Variants in MED12L observed in about 807,000 individuals in gnomAD.
The protein encoded by MED12L is mediator complex subunit 12L.
MED12L carries 60 observed loss-of-function variants against 281.3 expected under a neutral mutation model. The observed-to-expected ratio is 0.21, with a 90% confidence interval of 0.17 to 0.26. The LOEUF (loss-of-function observed/expected upper bound fraction) is 0.26. MED12L is among the 10% of genes least tolerant of loss of function. The pLI, the probability that MED12L is intolerant of heterozygous loss-of-function variation, is 1.00. For synonymous variants in MED12L, 974 were observed against 987.2 expected (o/e 0.99, Z 0.25); for missense variants, 2,146 against 2,680.9 (o/e 0.80, Z 4.41).
At chr3:151,184,093 A>C (rs1723000618) in intron 11 of MED12L, among the ~76,000 whole-genome samples, 1 of 152,186 alleles carries the variant, frequency 6.6e-6, no homozygotes, top group South Asian at 2.1e-4. Context: ...TTAAATTAGG[A>C]AAACAGAGCT....
intron 16 of MED12L, chr3:151,329,553 T>G: frequency 2.0e-6 from 3 of 1,522,276 alleles, no homozygotes; most frequent in South Asian, 1.2e-5. Flanking sequence ...AATGAGCATG[T>G]GAAGCAAATG....
chr3:151,229,718 G>A (rs1731255726), intron 16 of MED12L, among the ~76,000 whole-genome samples: 2 of 152,052 alleles, frequency 1.3e-5, no homozygotes, highest in Non-Finnish European at 2.9e-5. Flanking sequence ...GCCTGCCTCG[G>A]CCTCCCAAAG....
intron 16 of MED12L, chr3:151,316,808 C>T (rs1402882029): frequency 6.6e-6 from 1 of 152,204 alleles, no homozygotes; most frequent in Non-Finnish European, 1.5e-5. Context: ...AATTCTCCTG[C>T]CAGGCGACTA....
At position 151,375,073 on chromosome 3, in the gene MED12L, G is replaced by A. The variant is rs554124747; in HGVS notation, c.3865-953G>A. Reference sequence around the variant, plus strand: ...CTACATAGTCATATAAGTATTGAGAGGCAATTGTGTGTTGGTTCCCAACTG... The same window carrying A: ...CTACATAGTCATATAAGTATTGAGAAGCAATTGTGTGTTGGTTCCCAACTG... On this transcript the variant is annotated intron_variant, in intron 27 of 44. Coordinates refer to ENST00000687756, the MANE Select transcript of MED12L (RefSeq NM_001393769.1). Among the ~76,000 whole-genome samples, 55 of 152,334 alleles carry A rather than the reference G, an allele frequency of 3.6e-4. No homozygotes were observed. The South Asian group carries it at 0.011, about 29-fold the overall frequency.
intron 16 of MED12L, chr3:151,200,953 C>T (rs537866147): frequency 6.6e-6 from 1 of 152,266 alleles, no homozygotes; most frequent in South Asian, 2.1e-4. Flanking sequence ...GATTCCAGCT[C>T]AGTCAGTCTG....
At chr3:151,230,777 C>T (rs1336230689) in intron 16 of MED12L, among the ~76,000 whole-genome samples, 1 of 152,140 alleles carries the variant, frequency 6.6e-6, no homozygotes, top group African/African-American at 2.4e-5. Flanking sequence ...TGTAAACTTG[C>T]TCAAGCCATT....
At chr3:151,402,564 T>G (rs1216013825) in intron 39 of MED12L, among the ~76,000 whole-genome samples, 1 of 152,192 alleles carries the variant, frequency 6.6e-6, no homozygotes, top group Non-Finnish European at 1.5e-5. Context: ...GCTCCCCCAC[T>G]GGCCCTAGGG....
At chr3:151,158,629 G>A (rs867122299) in intron 6 of MED12L, 60 bp from the exon 7 acceptor site, 1 of 1,064,788 alleles carries the variant, frequency 9.4e-7, no homozygotes, top group Non-Finnish European at 1.4e-6. Context: ...AAGAATGACA[G>A]TGCCTTTTTT....
intron 17 of MED12L, among the ~76,000 whole-genome samples, chr3:151,351,734 T>C (rs1753260291): frequency 6.6e-6 from 1 of 152,190 alleles, no homozygotes; most frequent in Non-Finnish European, 1.5e-5. Context: ...TTTATCTAAA[T>C]TATTTTTAGA....
Position 151,132,284 on chromosome 3 carries a change from A to T in MED12L, c.556+4300A>T, listed in dbSNP as rs930719140. Among the ~76,000 whole-genome samples the T allele has an allele frequency of 4.6e-5, 7 of 152,328 alleles. No individual in the cohort carries two copies. In the South Asian group the frequency reaches 8.3e-4, roughly 18 times the overall value. ...CAAGGTGATTTAATGCAAAGTCCTT[A>T]GCTTCTCCAGACATCAGTCTTTTCA... On this transcript the variant is annotated intron_variant, in intron 5 of 44. Transcript: ENST00000687756.
chr3:151,155,022 AAACTT>A (rs1177023149), intron 5 of MED12L, among the ~76,000 whole-genome samples: 19 of 152,364 alleles, frequency 1.2e-4, no homozygotes, highest in Non-Finnish European at 2.5e-4. Context: ...GTTTAGATGA[AAACTT>A]AACAGTAGTT....
intron 43 of MED12L, among the ~76,000 whole-genome samples, chr3:151,418,749 T>A (rs1717917006): frequency 1.3e-5 from 2 of 152,246 alleles, no homozygotes; most frequent in Admixed American, 1.3e-4. Flanking sequence ...GTTTGATAAA[T>A]CTGTCATTAC....
intron 16 of MED12L, among the ~76,000 whole-genome samples, chr3:151,274,864 G>A (rs149738251): frequency 6.6e-6 from 1 of 152,250 alleles, no homozygotes; most frequent in Non-Finnish European, 1.5e-5. Flanking sequence ...ACCATTCCTA[G>A]AATGTTGGCT....
chr3:151,119,652 A>G (rs1215479198), intron 3 of MED12L, among the ~76,000 whole-genome samples: 1 of 152,148 alleles, frequency 6.6e-6, no homozygotes, highest in Non-Finnish European at 1.5e-5. Flanking sequence ...TGAATGCTTT[A>G]TGTCTCTTGA....
At chr3:151,225,005 A>G (rs150829537) in intron 16 of MED12L, among the ~76,000 whole-genome samples, 87 of 152,222 alleles carry the variant, frequency 5.7e-4, no homozygotes, top group African/African-American at 2.1e-3. Flanking sequence ...ATTTTATATT[A>G]TTTACTAGTG....
intron 16 of MED12L, chr3:151,294,168 C>G: frequency 6.6e-7 from 1 of 1,520,600 alleles, no homozygotes; most frequent in South Asian, 1.2e-5. Context: ...CAATAAAAGG[C>G]CTACACATCA....
chr3:151,259,517 A>G (rs1738471532), intron 16 of MED12L, among the ~76,000 whole-genome samples: 1 of 152,236 alleles, frequency 6.6e-6, no homozygotes, highest in East Asian at 1.9e-4. Flanking sequence ...TGTCTCAGGC[A>G]AACTGGGGTA....
intron 16 of MED12L, chr3:151,248,798 C>T (rs1292756767): frequency 6.6e-6 from 1 of 152,058 alleles, no homozygotes; most frequent in East Asian, 1.9e-4. Flanking sequence ...CACACAAAGC[C>T]ATTTTACATT....
chr3:151,336,666 C>T (rs918962299), intron 16 of MED12L: 1 of 388,538 alleles, frequency 2.6e-6, no homozygotes, highest in African/African-American at 2.1e-5. Context: ...TAAGTCTGAC[C>T]TGTTTTATCA....
Sources: gnomAD v4.1 joint callset for allele counts (sites outside exome capture counted in the v4.1 genomes callset) on GRCh38, gnomAD v4.1.1 for gene constraint, MANE v1.5 for transcripts, NCBI Gene and HGNC (gene_info 2026-07-23, HGNC 2026-07-21) for gene names.